The following SEMA3E variants were observed in gnomAD, a reference collection of about 807,000 sequenced individuals.
The protein encoded by SEMA3E is semaphorin-3E.
A neutral mutation model predicts 93.6 loss-of-function variants in SEMA3E; 49 were observed. That is an observed-to-expected ratio of 0.52 (90% CI 0.42 to 0.66). The LOEUF (loss-of-function observed/expected upper bound fraction) is 0.66. Among genes scored for constraint, SEMA3E ranks in the 30% least tolerant of loss-of-function variants. The pLI is 0.00. For synonymous variants in SEMA3E, 363 were observed against 330.7 expected (o/e 1.10, Z -1.06); for missense variants, 906 against 964.8 (o/e 0.94, Z 0.81).
intron 4 of SEMA3E, among the ~76,000 whole-genome samples, chr7:83,433,910 C>A (rs1399948517): frequency 3.3e-5 from 5 of 152,040 alleles, no homozygotes; most frequent in African/African-American, 1.2e-4. Flanking sequence ...CCCAATCAAA[C>A]CTCATTATTT....
chr7:83,452,094 A>AT (rs1346040857), intron 4 of SEMA3E, among the ~76,000 whole-genome samples: 3 of 151,626 alleles, frequency 2.0e-5, no homozygotes, highest in African/African-American at 7.3e-5. Context: ...ATTTGAATGA[A>AT]TGAGATAGAA....
At chr7:83,460,624 TCTGCTTTTCTG>T (rs1789591799) in intron 4 of SEMA3E, among the ~76,000 whole-genome samples, 6 of 25,908 alleles carry the variant, frequency 2.3e-4, no homozygotes, top group African/African-American at 3.9e-4. Context: ...CTACCCCTTC[TCTGCTTTTCTG>T]GGGGAGGGGC....
In SEMA3E at chr7:83,580,137, A is replaced by G. The variant is rs116164796; in HGVS notation, c.115+68291T>C. On this transcript the variant is annotated intron_variant, in intron 1 of 16. Coordinates refer to ENST00000643230, the MANE Select transcript of SEMA3E (RefSeq NM_012431.3). Reference sequence around the variant, plus strand: ...CTTTGATAAGATAATGAAGTCGATGACATCTTAAATCTCTTTATCCAAAAT... The same window carrying G: ...CTTTGATAAGATAATGAAGTCGATGGCATCTTAAATCTCTTTATCCAAAAT... 9.8e-3 allele frequency among the ~76,000 whole-genome samples: 1,489 copies of G among 152,224 alleles called. 26 individuals are homozygous for G. Among genetic ancestry groups the G allele is most frequent in the African/African-American group, 0.034 (1,412 of 41,566 alleles).
At chr7:83,377,856 G>A (rs1283572566) in intron 16 of SEMA3E, among the ~76,000 whole-genome samples, 1 of 151,872 alleles carries the variant, frequency 6.6e-6, no homozygotes, top group African/African-American at 2.4e-5. Context: ...TATAGAAAGA[G>A]AAATGCATAC....
chr7:83,457,877 A>C (rs2713178), intron 4 of SEMA3E, among the ~76,000 whole-genome samples: 99,459 of 151,862 alleles, frequency 0.65, 34,968 homozygotes, highest in East Asian at 1. Context: ...CGATTCCATA[A>C]ATCCCTGCCT....
At chr7:83,429,607 T>C (rs139767130) in intron 4 of SEMA3E, among the ~76,000 whole-genome samples, 54 of 152,320 alleles carry the variant, frequency 3.5e-4, no homozygotes, top group Admixed American at 6.5e-4. Flanking sequence ...TCAAAAACCC[T>C]GCAGTGCTTT....
chr7:83,434,382 CAT>C (rs1041529401), intron 4 of SEMA3E, among the ~76,000 whole-genome samples: 3 of 152,084 alleles, frequency 2.0e-5, no homozygotes, highest in African/African-American at 7.2e-5. Context: ...TCAAATGCAA[CAT>C]AAAATAGAAG....
At chr7:83,489,153 T>C (rs1380075787) in intron 2 of SEMA3E, among the ~76,000 whole-genome samples, 1 of 152,048 alleles carries the variant, frequency 6.6e-6, no homozygotes, top group Non-Finnish European at 1.5e-5. Context: ...GGAGGGTTGC[T>C]GATGAAGTAT....
chr7:83,371,851 C>G (rs929206149), intron 16 of SEMA3E: 1 of 154,502 alleles, frequency 6.5e-6, no homozygotes, highest in Non-Finnish European at 1.4e-5. Flanking sequence ...ACTAAACTTT[C>G]CCTTCCTTTA....
intron 4 of SEMA3E, among the ~76,000 whole-genome samples, chr7:83,465,644 T>A (rs187891782): frequency 9.1e-4 from 139 of 152,296 alleles, no homozygotes; most frequent in Non-Finnish European, 1.7e-3. Context: ...GTCTAGCTGC[T>A]TAACAACAGA....
Position 83,476,729 on chromosome 7 carries a change from T to C in SEMA3E, c.277-7427A>G, listed in dbSNP as rs187457418. ...CATTTGTTTTGGCAGTCAGGATGCC[T>C]TTTGGTTCTGCTCCAGAGTTTAGCA... On this transcript the variant is annotated intron_variant, in intron 2 of 16. Transcript: ENST00000643230. Among the ~76,000 whole-genome samples the C allele has an allele frequency of 7.8e-4, 119 of 152,308 alleles. 2 individuals are homozygous for C. The highest frequency in any genetic ancestry group is 2.7e-3 in the African/African-American group (114 of 41,570).
At chr7:83,642,332 A>G (rs1794024104) in intron 1 of SEMA3E, among the ~76,000 whole-genome samples, 1 of 152,102 alleles carries the variant, frequency 6.6e-6, no homozygotes. Context: ...AGGGCTGAAA[A>G]CTTCTCGAGT....
intron 1 of SEMA3E, among the ~76,000 whole-genome samples, chr7:83,618,566 AT>A (rs936579203): frequency 3.9e-5 from 6 of 151,972 alleles, no homozygotes; most frequent in Non-Finnish European, 8.8e-5. Context: ...GGTTATTCTC[AT>A]TTGGACAGTA....
chr7:83,383,012 G>C (rs553592150), intron 16 of SEMA3E, among the ~76,000 whole-genome samples: 1 of 151,862 alleles, frequency 6.6e-6, no homozygotes, highest in Non-Finnish European at 1.5e-5. Flanking sequence ...AATCTGAACA[G>C]GCAGACATTA....
chr7:83,383,623 T>C (rs1787823816), intron 16 of SEMA3E, among the ~76,000 whole-genome samples: 1 of 151,910 alleles, frequency 6.6e-6, no homozygotes, highest in South Asian at 2.1e-4. Context: ...TTGGGGAAAT[T>C]TGAATGTAGT....
At chr7:83,537,038 C>A (rs1431719925) in intron 1 of SEMA3E, among the ~76,000 whole-genome samples, 1 of 151,312 alleles carries the variant, frequency 6.6e-6, no homozygotes, top group South Asian at 2.1e-4. Context: ...TCTTCTCCCC[C>A]CTTCTCTCTC....
chr7:83,541,802 G>A (rs769936545), intron 1 of SEMA3E, among the ~76,000 whole-genome samples: 43 of 152,088 alleles, frequency 2.8e-4, no homozygotes, highest in Non-Finnish European at 5.3e-4. Context: ...GATGCTGGCT[G>A]AAACACACAG....
rs55851135 is a variant in SEMA3E, at chr7:83,440,801, C to CA, written c.457-22319dup. 2.0e-3 allele frequency among the ~76,000 whole-genome samples: 247 copies of CA among 123,814 alleles called. 3 individuals are homozygous for CA. The highest frequency in any genetic ancestry group is 7.0e-3 in the African/African-American group (225 of 32,028). The allele number at this position is 123,814 out of a possible 152,430, so 81.2% of individuals were successfully genotyped here. A position where few individuals can be genotyped will look rare whatever the true frequency, so the allele number is the denominator to read the frequency against. On this transcript the variant is annotated intron_variant, in intron 4 of 16. Coordinates refer to ENST00000643230, the MANE Select transcript of SEMA3E (RefSeq NM_012431.3). ...TGAGTGACAGAGCAAGACTCCGTCTCAAAAAAAAAAAAAAAAAAGACAGAT... is the reference window on the plus strand; with the variant it reads ...TGAGTGACAGAGCAAGACTCCGTCTCAAAAAAAAAAAAAAAAAAAGACAGAT...
intron 4 of SEMA3E, among the ~76,000 whole-genome samples, chr7:83,434,226 T>C (rs920411754): frequency 1.3e-5 from 2 of 152,066 alleles, no homozygotes; most frequent in Non-Finnish European, 2.9e-5. Context: ...CATATATTGC[T>C]CTTACTTAAT....
Sources: gnomAD v4.1 joint callset for allele counts (sites outside exome capture counted in the v4.1 genomes callset) on GRCh38, gnomAD v4.1.1 for gene constraint, MANE v1.5 for transcripts, NCBI Gene and HGNC (gene_info 2026-07-23, HGNC 2026-07-21) for gene names.